Variants in AFF1 observed in about 807,000 individuals in gnomAD.
AFF1 encodes ALF transcription elongation factor 1, also known as AF4/FMR2 family member 1.
In AFF1, 48 loss-of-function variants were observed where a neutral mutation model predicts 121.7. That is an observed-to-expected ratio of 0.39 (90% CI 0.31 to 0.50). AFF1 has a LOEUF of 0.50. Ranked by LOEUF, AFF1 falls within the 20% of genes least tolerant of loss-of-function variation. The pLI is 0.76. For synonymous variants in AFF1, 613 were observed against 563.0 expected, an observed-to-expected ratio of 1.09 and a Z score of -1.26; for missense variants, 1,523 against 1,511.7, an observed-to-expected ratio of 1.01 and a Z score of -0.12.
At chr4:86,984,721 T>C (rs1383241837) in intron 2 of AFF1, among the ~76,000 whole-genome samples, 1 of 151,964 alleles carries the variant, frequency 6.6e-6, no homozygotes, top group African/African-American at 2.4e-5. Flanking sequence ...GGATTGCTTG[T>C]GTCCAGGAGT....
At position 87,131,798 on chromosome 4, in the gene AFF1, T is replaced by A; in HGVS notation, c.3107T>A (p.Ile1036Lys). 6.3e-7 allele frequency: 1 copy of A among 1,596,084 alleles called. No individual in the cohort carries two copies. The highest frequency in any genetic ancestry group is 8.5e-7 in the Non-Finnish European group (1 of 1,172,946). ...ACTTTTATATTTTCCTATAGATTCA[T>A]AATGTCATTAAAATCCTTCTCAGAT... is the stretch of plus-strand genomic sequence containing the variant. ...YSETVDLIKF[I>K]MSLKSFSDAT... Residue 1036 changes from isoleucine (I) to lysine (K), a missense_variant, in exon 18 of 21, where the codon ATA becomes AAA. This residue lies in a region of AFF1 where 241 missense variants were observed against 265.2 expected (regional missense o/e 0.91). Coordinates refer to ENST00000395146, the MANE Select transcript of AFF1 (RefSeq NM_001166693.3).
intron 2 of AFF1, among the ~76,000 whole-genome samples, chr4:86,957,829 A>G (rs1225552626): frequency 2.0e-5 from 3 of 152,132 alleles, no homozygotes; most frequent in Non-Finnish European, 2.9e-5. Context: ...GGCGTGAGCC[A>G]CCATGCCCAG....
intron 8 of AFF1, among the ~76,000 whole-genome samples, chr4:87,098,196 G>T (rs1000027316): frequency 6.6e-6 from 1 of 152,150 alleles, no homozygotes; most frequent in Admixed American, 6.5e-5. Flanking sequence ...ACTCAGATAT[G>T]GTTAGGGGGT....
chr4:87,104,555 C>T (rs540998342), intron 8 of AFF1, among the ~76,000 whole-genome samples: 11 of 152,128 alleles, frequency 7.2e-5, no homozygotes, highest in Non-Finnish European at 1.5e-4. Flanking sequence ...CTCATGTAGG[C>T]GGTCATTTAC....
At chr4:87,097,886 C>G (rs1725025515) in intron 8 of AFF1, among the ~76,000 whole-genome samples, 1 of 152,166 alleles carries the variant, frequency 6.6e-6, no homozygotes, top group African/African-American at 2.4e-5. Context: ...TGGCAAATCT[C>G]TTAGTGCTCG....
At chr4:87,022,592 A>ATATATATACATATATATATATATATATC (rs1465084690) in intron 2 of AFF1, among the ~76,000 whole-genome samples, 1 of 99,846 alleles carries the variant, frequency 1.0e-5, no homozygotes, top group African/African-American at 4.7e-5. Context: ...ATCTATCTAT[A>ATATATATACATATATATATATATATATC]TCTATCTGTG....
Position 87,127,011 on chromosome 4 carries a change from A to ATTT in AFF1, c.2812-7_2812-5dup. ...ATGTTAGAGTGTAATCTGTATATTGATTTTTTTTTTGAAGGGTTCTTCCGG... is the reference window on the plus strand; with the variant it reads ...ATGTTAGAGTGTAATCTGTATATTGATTTTTTTTTTTTTGAAGGGTTCTTCCGG... On this transcript the variant is annotated splice_polypyrimidine_tract_variant and intron_variant, in intron 14 of 20. Transcript: ENST00000395146. The ATTT allele has an allele frequency of 2.6e-6, 4 of 1,515,232 alleles. No homozygotes were observed. Among genetic ancestry groups the ATTT allele is most frequent in the South Asian group, 1.2e-5 (1 of 85,982 alleles). 93.9% of individuals were successfully genotyped at this position (1,515,232 alleles called of 1,614,324 possible).
intron 2 of AFF1, among the ~76,000 whole-genome samples, chr4:87,040,520 G>C (rs1338296401): frequency 6.6e-6 from 1 of 151,450 alleles, no homozygotes; most frequent in East Asian, 1.9e-4. Flanking sequence ...AGGCATTGGT[G>C]AATGTTCAGG....
At chr4:86,996,134 T>G (rs888518087) in intron 2 of AFF1, among the ~76,000 whole-genome samples, 1 of 145,634 alleles carries the variant, frequency 6.9e-6, no homozygotes, top group Non-Finnish European at 1.5e-5. Context: ...CCAGCCGCCC[T>G]GTCCGGGAGG....
intron 4 of AFF1, among the ~76,000 whole-genome samples, chr4:87,057,376 G>C (rs1478033140): frequency 6.6e-6 from 1 of 152,228 alleles, no homozygotes; most frequent in Non-Finnish European, 1.5e-5. Flanking sequence ...TGGCTTCATG[G>C]CAGGTGGTAC....
At chr4:86,949,473 A>G (rs984527082) in intron 2 of AFF1, among the ~76,000 whole-genome samples, 3 of 149,782 alleles carry the variant, frequency 2.0e-5, no homozygotes, top group African/African-American at 7.3e-5. Flanking sequence ...CATTCTAGCA[A>G]TTGCAGAGTT....
chr4:87,046,186 A>G lies in AFF1; in HGVS notation c.59A>G (p.Asn20Ser). ...SGNSLYNDDR[N>S]LLRIREKERR... ...AACAGTTTGTACAATGACGACAGAA[A>G]CCTGCTTCGAATTAGAGAGAAGGAA... The change falls in exon 3 of 21, where the codon AAC (asparagine) becomes AGC (serine). Residue 20 changes from asparagine to serine, a missense_variant. Asn to Ser is a conservative substitution (Grantham distance 46). Transcript: ENST00000395146. 9.3e-6 allele frequency: 15 copies of G among 1,613,706 alleles called. No individual in the cohort carries two copies. The highest frequency in any genetic ancestry group is 1.3e-5 in the Non-Finnish European group (15 of 1,179,884).
intron 8 of AFF1, among the ~76,000 whole-genome samples, chr4:87,097,613 C>G (rs566791483): frequency 6.6e-6 from 1 of 152,026 alleles, no homozygotes; most frequent in Admixed American, 6.5e-5. Flanking sequence ...AATAGATTTA[C>G]AGAAGGTAGA....
intron 2 of AFF1, among the ~76,000 whole-genome samples, chr4:86,963,040 C>A (rs112414057): frequency 6.6e-6 from 1 of 151,772 alleles, no homozygotes; most frequent in African/African-American, 2.4e-5. Context: ...CTGGCATGCA[C>A]CTGTAATCCC....
chr4:87,100,076 G>A (rs1307485067), intron 8 of AFF1, among the ~76,000 whole-genome samples: 2 of 151,994 alleles, frequency 1.3e-5, no homozygotes, highest in East Asian at 1.9e-4. Context: ...AGCCCTTAAG[G>A]GTCCCTTTAA....
chr4:87,005,626 A>G (rs1410144612), intron 2 of AFF1, among the ~76,000 whole-genome samples: 3 of 152,206 alleles, frequency 2.0e-5, no homozygotes, highest in Non-Finnish European at 4.4e-5. Context: ...TTGCAACTCA[A>G]TTACACAAGT....
intron 2 of AFF1, among the ~76,000 whole-genome samples, chr4:86,957,895 A>G (rs1488942768): frequency 1.3e-5 from 2 of 151,910 alleles, no homozygotes; most frequent in African/African-American, 4.8e-5. Flanking sequence ...CAAACAAACA[A>G]CTATCCTTTT....
intron 2 of AFF1, among the ~76,000 whole-genome samples, chr4:86,964,746 C>T (rs75009489): frequency 4.6e-5 from 7 of 152,138 alleles, no homozygotes; most frequent in African/African-American, 1.4e-4. Context: ...TATATACATC[C>T]TTCTCGTTAT....
At chr4:87,064,886 A>AAAT (rs1721178777) in intron 4 of AFF1, among the ~76,000 whole-genome samples, 1 of 150,622 alleles carries the variant, frequency 6.6e-6, no homozygotes. Flanking sequence ...AAGAAAAAAA[A>AAAT]AAAAAAGCCG....
Sources: gnomAD v4.1 joint callset for allele counts (sites outside exome capture counted in the v4.1 genomes callset) on GRCh38, gnomAD v4.1.1 for gene constraint, gnomAD v4.1.1 regional missense constraint, MANE v1.5 for transcripts, NCBI Gene and HGNC (gene_info 2026-07-23, HGNC 2026-07-21) for gene names.